The following FGFR1 variants were observed in gnomAD, a reference collection of about 807,000 sequenced individuals.
FGFR1 encodes fibroblast growth factor receptor 1.
A neutral mutation model predicts 93.7 loss-of-function variants in FGFR1; 18 were observed. The ratio of observed to expected loss-of-function variants is 0.19; its 90% CI spans 0.13 to 0.28. The LOEUF (loss-of-function observed/expected upper bound fraction) is 0.28. Among genes scored for constraint, FGFR1 ranks in the 10% least tolerant of loss-of-function variants. The probability of loss-of-function intolerance (pLI) is 1.00; values close to 1 mark genes in which losing one functional copy is unlikely to be tolerated. For synonymous variants in FGFR1, 448 were observed against 429.3 expected (o/e 1.04, Z -0.54); for missense variants, 731 against 1,080.4 (o/e 0.68, Z 4.53).
At position 38,428,164 on chromosome 8, in the gene FGFR1, C is replaced by T. The variant is rs933936866; in HGVS notation, c.449-71G>A. On this transcript the variant is annotated intron_variant, in intron 4 of 17. Coordinates refer to ENST00000447712, the MANE Select transcript of FGFR1 (RefSeq NM_023110.3). ...GCTGGTCAGGCTCAGGAGCAGGGCC[C>T]AGGCCAGGACCTGGAGGTGTCTTGC... 9.4e-6 allele frequency: 15 copies of T among 1,601,018 alleles called. No homozygotes were observed. The African/African-American group carries it at 1.9e-4, about 20-fold the overall frequency.
In FGFR1 at chr8:38,413,591, CTG is replaced by C; in HGVS notation, c.*35_*36del. The C allele has an allele frequency of 1.3e-6, 2 of 1,578,708 alleles. No individual in the cohort carries two copies. The highest frequency in any genetic ancestry group is 8.6e-7 in the Non-Finnish European group (1 of 1,162,882). On this transcript the variant is annotated 3_prime_UTR_variant, in exon 18 of 18. Transcript: ENST00000447712. This position sits in a 1 kb window ranked among gnomAD's most constrained non-coding sequence, Gnocchi z 4.2. ...CAGGGGCTGTGGGTGAGGGTTACAG[CTG>C]ACGGTGGAGTCTGGGGAGGGCGTGT...
intron 1 of FGFR1, chr8:38,458,838 G>T (rs1204048629): frequency 1.8e-5 from 4 of 221,304 alleles, no homozygotes; most frequent in Non-Finnish European, 2.7e-5. Flanking sequence ...ACCCTCACCA[G>T]CTACTTACAA....
chr8:38,458,945 G>A (rs904870850), intron 1 of FGFR1: 1 of 218,734 alleles, frequency 4.6e-6, no homozygotes. Flanking sequence ...AAGTTGCGGG[G>A]GGCAAGGGGG....
intron 8 of FGFR1, 198 bp downstream of exon 8, chr8:38,421,599 C>A (rs914902752): frequency 1.5e-6 from 1 of 671,264 alleles, no homozygotes; most frequent in Non-Finnish European, 2.7e-6. Context: ...GGCCTCCGTG[C>A]GCCTGCAAAA....
rs56889687 is a variant in FGFR1 at position 38,442,362 on chromosome 8, GGTGT to G, written c.92-12418_92-12415del. 6.9e-3 allele frequency among the ~76,000 whole-genome samples: 1,013 copies of G among 145,798 alleles called. 9 individuals carry two copies. Among genetic ancestry groups the G allele is most frequent in the African/African-American group, 0.02 (806 of 39,480 alleles). On this transcript the variant is annotated intron_variant, in intron 2 of 17. Coordinates refer to ENST00000447712, the MANE Select transcript of FGFR1 (RefSeq NM_023110.3). ...ACATCTTCCACCAAGTTGTTAAAGT[GGTGT>G]GTGTGTGTGTGTGTGTGTGTGTGTG...
chr8:38,448,733 T>A (rs1374910354), intron 2 of FGFR1, among the ~76,000 whole-genome samples: 1 of 152,100 alleles, frequency 6.6e-6, no homozygotes, highest in Admixed American at 6.5e-5. Context: ...GGCGGGTGGA[T>A]CACTTGAAGT....
chr8:38,444,282 T>C (rs1004119073), intron 2 of FGFR1, among the ~76,000 whole-genome samples: 1 of 152,108 alleles, frequency 6.6e-6, no homozygotes, highest in African/African-American at 2.4e-5. Context: ...ACATCCCATC[T>C]ATCCATACCC....
At chr8:38,453,926 GCTGATCTTAAACTC>G (rs1831911463) in intron 2 of FGFR1, among the ~76,000 whole-genome samples, 1 of 152,016 alleles carries the variant, frequency 6.6e-6, no homozygotes, top group Non-Finnish European at 1.5e-5. Flanking sequence ...AACAAACCCA[GCTGATCTTAAACTC>G]CTGGGCTCAA....
chr8:38,415,930 C>T lies in FGFR1; in HGVS notation c.1794G>A (p.Lys598=). The T allele has an allele frequency of 6.2e-7, 1 of 1,614,084 alleles. No individual in the cohort carries two copies. The highest frequency in any genetic ancestry group is 8.5e-7 in the Non-Finnish European group (1 of 1,180,028). Reference sequence around the variant, plus strand: ...CCTGGTAGGCGCAGGACACCAGGTCCTTGGAGGAGAGCTGCTCCTCTGGGT... The same window carrying T: ...CCTGGTAGGCGCAGGACACCAGGTCTTTGGAGGAGAGCTGCTCCTCTGGGT... ...SHNPEEQLSS[K]DLVSCAYQVA... The change falls in exon 13 of 18, where the codon AAG becomes AAA. Residue 598 remains lysine (K), a synonymous_variant. Transcript: ENST00000447712.
chr8:38,444,069 AAAAAAAAAG>A (rs1169528051), intron 2 of FGFR1, among the ~76,000 whole-genome samples: 17 of 151,756 alleles, frequency 1.1e-4, no homozygotes, highest in Admixed American at 9.2e-4. Context: ...AAAAAAAAAA[AAAAAAAAAG>A]AATCAGGTGG....
intron 2 of FGFR1, among the ~76,000 whole-genome samples, chr8:38,432,583 T>C (rs1336960847): frequency 6.6e-6 from 1 of 152,046 alleles, no homozygotes; most frequent in African/African-American, 2.4e-5. Context: ...CAGCTAATTT[T>C]TGTATTTTTA....
intron 2 of FGFR1, among the ~76,000 whole-genome samples, chr8:38,449,788 G>A (rs958356137): frequency 6.6e-6 from 1 of 152,226 alleles, no homozygotes; most frequent in Non-Finnish European, 1.5e-5. Flanking sequence ...GCTACACGGA[G>A]CCCTCACCCC....
rs1455942179 is a variant in FGFR1, at chr8:38,412,385, A to T, written c.*1243T>A. 1 of 232,586 alleles carries T rather than the reference A, an allele frequency of 4.3e-6. No homozygotes were observed. The allele number at this position is 232,586 out of a possible 1,614,324, so 14.4% of individuals were successfully genotyped here. On this transcript the variant is annotated 3_prime_UTR_variant, in exon 18 of 18. Coordinates refer to ENST00000447712, the MANE Select transcript of FGFR1 (RefSeq NM_023110.3). ...ATCACTGTAGCTCTACCCCGTGGCT[A>T]TTCCTAGGTAGGTGCCCCCTCCCCA...
At chr8:38,425,093 C>T (rs747620501) in intron 6 of FGFR1, among the ~76,000 whole-genome samples, 8 of 152,070 alleles carry the variant, frequency 5.3e-5, no homozygotes, top group African/African-American at 9.7e-5. Context: ...TTGTTAGAAA[C>T]GCGGAATCTC....
intron 2 of FGFR1, among the ~76,000 whole-genome samples, chr8:38,433,925 C>T (rs1054901294): frequency 1.4e-4 from 21 of 152,218 alleles, no homozygotes; most frequent in African/African-American, 4.3e-4. Flanking sequence ...GTCACTCCTC[C>T]ATCCCCTATC....
chr8:38,432,816 T>A (rs985875909), intron 2 of FGFR1, among the ~76,000 whole-genome samples: 1 of 150,654 alleles, frequency 6.6e-6, no homozygotes, highest in Admixed American at 6.7e-5. Flanking sequence ...AAAATCCACA[T>A]CCCTGCCTCA....
At chr8:38,440,575 CTT>C (rs557897454) in intron 2 of FGFR1, among the ~76,000 whole-genome samples, 28 of 137,744 alleles carry the variant, frequency 2.0e-4, no homozygotes, top group Admixed American at 2.9e-4. Flanking sequence ...TGGAGAAGGG[CTT>C]TTTTTTTTTT....
chr8:38,465,323 T>C (rs1835267272), intron 1 of FGFR1: 3 of 232,506 alleles, frequency 1.3e-5, no homozygotes, highest in Admixed American at 5.6e-5. Context: ...AAAATGAGCA[T>C]TTCTGCAGGC....
At chr8:38,458,856 A>G (rs1369621285) in intron 1 of FGFR1, 1 of 220,668 alleles carries the variant, frequency 4.5e-6, no homozygotes, top group African/African-American at 2.2e-5. Context: ...CAAAGAGCCT[A>G]AGAGTGTGGA....
Sources: allele counts gnomAD v4.1 joint callset (sites outside exome capture counted in the v4.1 genomes callset), GRCh38; gene constraint gnomAD v4.1.1; non-coding constraint Gnocchi (gnomAD v3.1); transcripts MANE v1.5; gene names NCBI Gene and HGNC (gene_info 2026-07-23, HGNC 2026-07-21).